The following SGCZ variants were observed in gnomAD, a reference collection of about 807,000 sequenced individuals.
The protein encoded by SGCZ is sarcoglycan zeta.
In SGCZ, 40 loss-of-function variants were observed where a neutral mutation model predicts 41.3. That is an observed-to-expected ratio of 0.97 (90% CI 0.75 to 1.26). The LOEUF (loss-of-function observed/expected upper bound fraction) is 1.26. Ranked by LOEUF, SGCZ falls within the 50% of genes most tolerant of loss-of-function variation. SGCZ has a pLI of 0.00. For synonymous variants in SGCZ, 206 were observed against 137.5 expected (o/e 1.50, Z -3.49); for missense variants, 552 against 369.8 (o/e 1.49, Z -4.04).
At chr8:14,242,623 A>G (rs1258236626) in intron 3 of SGCZ, among the ~76,000 whole-genome samples, 1 of 152,178 alleles carries the variant, frequency 6.6e-6, no homozygotes, top group Non-Finnish European at 1.5e-5. Flanking sequence ...GTGTGCTTTT[A>G]TGATTTATTC....
At chr8:14,979,788 G>A (rs1447914778) in intron 1 of SGCZ, among the ~76,000 whole-genome samples, 1 of 152,170 alleles carries the variant, frequency 6.6e-6, no homozygotes, top group Non-Finnish European at 1.5e-5. Context: ...GATAGCTTTG[G>A]GCAGGTGATG....
Position 14,816,225 on chromosome 8 carries a change from C to T in SGCZ, c.40-261299G>A, listed in dbSNP as rs73664482. Among the ~76,000 whole-genome samples the T allele has an allele frequency of 5.2e-3, 797 of 152,300 alleles. 10 individuals are homozygous for T. The highest frequency in any genetic ancestry group is 0.018 in the African/African-American group (734 of 41,574). On this transcript the variant is annotated intron_variant, in intron 1 of 7. Coordinates refer to ENST00000382080, the MANE Select transcript of SGCZ (RefSeq NM_139167.4). ...ACATATTTCAGATATTCACTACACA[C>T]GTGTGAGTGGTTATTCGTTTGAGCA...
chr8:15,096,269 G>C (rs1393822472), intron 1 of SGCZ, among the ~76,000 whole-genome samples: 2 of 150,192 alleles, frequency 1.3e-5, no homozygotes, highest in Non-Finnish European at 3.0e-5. Context: ...TTTTTTTTCA[G>C]TAGAGATGGG....
intron 1 of SGCZ, among the ~76,000 whole-genome samples, chr8:14,862,921 C>T (rs750315207): frequency 1.3e-5 from 2 of 152,078 alleles, no homozygotes; most frequent in African/African-American, 2.4e-5. Context: ...AGAAGCAGCT[C>T]GTTCAGCTGC....
In SGCZ at chr8:14,237,667, C is replaced by G; in HGVS notation, c.349G>C (p.Val117Leu). The G allele has an allele frequency of 1.2e-6, 2 of 1,613,564 alleles. No homozygotes were observed. The highest frequency in any genetic ancestry group is 1.7e-6 in the Non-Finnish European group (2 of 1,179,648). ...GTGACATTCCTGTCAGACTGTAAGACCAGCGGACTATCCTGGGAAACATGT... is the reference window on the plus strand; with the variant it reads ...GTGACATTCCTGTCAGACTGTAAGAGCAGCGGACTATCCTGGGAAACATGT... Reference protein sequence around the residue: ...EIHSRKDSPLVLQSDRNVTVN... With the variant: ...EIHSRKDSPLLLQSDRNVTVN... Residue 117 changes from valine (V) to leucine (L), a missense_variant, in exon 4 of 8, where the codon GTC (valine) becomes CTC (leucine). Val to Leu is a conservative substitution (Grantham distance 32). Transcript: ENST00000382080.
intron 1 of SGCZ, among the ~76,000 whole-genome samples, chr8:15,161,413 A>G (rs1272409211): frequency 6.6e-6 from 1 of 152,096 alleles, no homozygotes; most frequent in Non-Finnish European, 1.5e-5. Flanking sequence ...TATACCATAT[A>G]TACTTTATTT....
intron 1 of SGCZ, among the ~76,000 whole-genome samples, chr8:14,706,056 G>T (rs1809322984): frequency 6.6e-6 from 1 of 151,732 alleles, no homozygotes; most frequent in Non-Finnish European, 1.5e-5. Flanking sequence ...CTTTTATTGG[G>T]CACCATGACT....
At chr8:14,469,659 T>G (rs903918746) in intron 2 of SGCZ, among the ~76,000 whole-genome samples, 4 of 152,086 alleles carry the variant, frequency 2.6e-5, no homozygotes, top group Non-Finnish European at 5.9e-5. Context: ...GACCAAGGCA[T>G]GATTAGAGGG....
chr8:14,111,019 A>C (rs1473165359), intron 5 of SGCZ, among the ~76,000 whole-genome samples: 1 of 152,072 alleles, frequency 6.6e-6, no homozygotes, highest in East Asian at 1.9e-4. Context: ...GCACCACTGC[A>C]TTCTAGCCTG....
intron 1 of SGCZ, among the ~76,000 whole-genome samples, chr8:14,809,935 C>T (rs1270957395): frequency 7.2e-5 from 11 of 152,022 alleles, no homozygotes; most frequent in Non-Finnish European, 1.6e-4. Flanking sequence ...TATTTAGATA[C>T]TTAGAATCTA....
intron 2 of SGCZ, among the ~76,000 whole-genome samples, chr8:14,380,646 G>A (rs1443612125): frequency 1.3e-5 from 2 of 152,172 alleles, no homozygotes; most frequent in African/African-American, 4.8e-5. Flanking sequence ...CAGGTCAACA[G>A]GTCGAGACCA....
chr8:14,510,740 G>C (rs567101658), intron 2 of SGCZ, among the ~76,000 whole-genome samples: 6 of 152,256 alleles, frequency 3.9e-5, no homozygotes, highest in African/African-American at 1.4e-4. Context: ...CCTTGCCTCA[G>C]AACATTTACT....
chr8:14,504,256 G>T (rs1230888982), intron 2 of SGCZ, among the ~76,000 whole-genome samples: 2 of 152,136 alleles, frequency 1.3e-5, no homozygotes, highest in African/African-American at 4.8e-5. Context: ...TGTTTTTAAA[G>T]TATAAAAGAT....
At chr8:15,110,811 A>C (rs1807020240) in intron 1 of SGCZ, among the ~76,000 whole-genome samples, 3 of 152,230 alleles carry the variant, frequency 2.0e-5, no homozygotes, top group Middle Eastern at 3.4e-3. Context: ...TCTACTAAAA[A>C]TACAAAATTA....
intron 3 of SGCZ, among the ~76,000 whole-genome samples, chr8:14,257,175 A>T (rs2117222776): frequency 6.6e-6 from 1 of 152,068 alleles, no homozygotes; most frequent in Admixed American, 6.5e-5. Flanking sequence ...CAAAAAACAA[A>T]AATTAGCTAG....
intron 2 of SGCZ, among the ~76,000 whole-genome samples, chr8:14,503,285 G>T (rs549134338): frequency 7.9e-5 from 12 of 151,994 alleles, no homozygotes; most frequent in Non-Finnish European, 1.3e-4. Flanking sequence ...ATCACACACC[G>T]GAGCCTGTCA....
chr8:14,386,776 A>G (rs1472462389), intron 2 of SGCZ, among the ~76,000 whole-genome samples: 2 of 152,184 alleles, frequency 1.3e-5, no homozygotes, highest in African/African-American at 4.8e-5. Flanking sequence ...ACTAAAATCA[A>G]TGCCTATACA....
At chr8:14,999,167 G>C (rs1379024191) in intron 1 of SGCZ, among the ~76,000 whole-genome samples, 2 of 152,174 alleles carry the variant, frequency 1.3e-5, no homozygotes, top group Non-Finnish European at 2.9e-5. Flanking sequence ...ACACATATAT[G>C]AGAAACGGTT....
At chr8:15,175,352 T>TA (rs902914010) in intron 1 of SGCZ, among the ~76,000 whole-genome samples, 39 of 146,104 alleles carry the variant, frequency 2.7e-4, no homozygotes, top group Admixed American at 6.8e-4. Context: ...TATGCAGCCA[T>TA]AAAAAAAAAA....
Sources: allele counts gnomAD v4.1 joint callset (sites outside exome capture counted in the v4.1 genomes callset), GRCh38; gene constraint gnomAD v4.1.1; transcripts MANE v1.5; gene names NCBI Gene and HGNC (gene_info 2026-07-23, HGNC 2026-07-21).